Variants in ASIC2 observed in about 807,000 individuals in gnomAD.
ASIC2 encodes acid sensing ion channel subunit 2, also known as acid-sensing ion channel 2.
In ASIC2, 25 loss-of-function variants were observed where a neutral mutation model predicts 57.3. The ratio of observed to expected loss-of-function variants is 0.44; its 90% CI spans 0.32 to 0.61. The LOEUF is 0.61. Ranked by LOEUF, ASIC2 falls within the 20% of genes least tolerant of loss-of-function variation. The pLI, the probability that ASIC2 is intolerant of heterozygous loss-of-function variation, is 0.06. For synonymous variants in ASIC2, 319 were observed against 307.5 expected, an observed-to-expected ratio of 1.04 and a Z score of -0.39; for missense variants, 641 against 738.1, an observed-to-expected ratio of 0.87 and a Z score of 1.52.
chr17:33,035,394 A>G (rs796993235), intron 3 of ASIC2, among the ~76,000 whole-genome samples: 1 of 152,124 alleles, frequency 6.6e-6, no homozygotes, highest in African/African-American at 2.4e-5. Flanking sequence ...AGTCATTTTT[A>G]TTAGATACTG....
Position 33,916,107 on chromosome 17 carries a change from T to A in ASIC2, c.555+239871A>T, listed in dbSNP as rs1915578348. Among the ~76,000 whole-genome samples the A allele has an allele frequency of 2.6e-5, 4 of 152,278 alleles. No individual in the cohort carries two copies. In the South Asian group the frequency reaches 8.3e-4, roughly 32 times the overall value. ...GCTACTTCCTTTCCCTTTTCCATAT[T>A]CCAATTCTCCTCCCAGATAACCAGT... On this transcript the variant is annotated intron_variant, in intron 1 of 9. Transcript: ENST00000359872.
intron 1 of ASIC2, among the ~76,000 whole-genome samples, chr17:33,306,054 T>G (rs1001269471): frequency 1.3e-5 from 2 of 152,220 alleles, no homozygotes; most frequent in African/African-American, 4.8e-5. Flanking sequence ...TCATGGCATT[T>G]AAATGTTTCT....
At chr17:33,160,694 T>C (rs115285092) in intron 1 of ASIC2, among the ~76,000 whole-genome samples, 1 of 152,150 alleles carries the variant, frequency 6.6e-6, no homozygotes, top group South Asian at 2.1e-4. Flanking sequence ...CTCTGATAGG[T>C]TCCACCTGCC....
intron 1 of ASIC2, among the ~76,000 whole-genome samples, chr17:33,970,224 G>C (rs1279052308): frequency 6.6e-6 from 1 of 152,146 alleles, no homozygotes; most frequent in Non-Finnish European, 1.5e-5. Flanking sequence ...CTTGTTTCCA[G>C]ACATTATCAA....
intron 1 of ASIC2, among the ~76,000 whole-genome samples, chr17:33,941,576 G>A (rs900695912): frequency 6.6e-6 from 1 of 152,234 alleles, no homozygotes; most frequent in African/African-American, 2.4e-5. Context: ...AGTAGATAGA[G>A]GGAGCTGGGG....
At chr17:33,090,085 C>T (rs931793829) in intron 2 of ASIC2, among the ~76,000 whole-genome samples, 16 of 152,182 alleles carry the variant, frequency 1.1e-4, no homozygotes, top group Non-Finnish European at 2.4e-4. Context: ...TTCTGAGTAG[C>T]CTCTGCCTCG....
intron 1 of ASIC2, among the ~76,000 whole-genome samples, chr17:33,737,502 T>C (rs776545341): frequency 1.3e-5 from 2 of 152,198 alleles, no homozygotes; most frequent in Non-Finnish European, 2.9e-5. Flanking sequence ...TAATCTGGTT[T>C]AAATCTCAAT....
In ASIC2 at chr17:33,464,706, TA is replaced by T. The variant is rs1912803837; in HGVS notation, c.556-352640del. On this transcript the variant is annotated intron_variant, in intron 1 of 9. Transcript: ENST00000359872. Reference sequence around the variant, plus strand: ...CTCTCTCTATATATATATATATATGTATATATATGTATATAACATTATCAAA... The same window carrying T: ...CTCTCTCTATATATATATATATATGTTATATATGTATATAACATTATCAAA... Among the ~76,000 whole-genome samples, 18 of 147,866 alleles carry T rather than the reference TA, an allele frequency of 1.2e-4. No individual in the cohort carries two copies. In the South Asian group the frequency reaches 2.6e-3, roughly 21 times the overall value.
chr17:33,796,838 A>C (rs1461264315), intron 1 of ASIC2, among the ~76,000 whole-genome samples: 4 of 152,174 alleles, frequency 2.6e-5, no homozygotes, highest in South Asian at 2.1e-4. Context: ...GGCTTGGCTC[A>C]CTCATGTACT....
At chr17:33,250,267 C>T (rs972161277) in intron 1 of ASIC2, among the ~76,000 whole-genome samples, 4 of 152,242 alleles carry the variant, frequency 2.6e-5, no homozygotes, top group Non-Finnish European at 5.9e-5. Flanking sequence ...TGACATAACA[C>T]TCACCCAAAG....
intron 1 of ASIC2, among the ~76,000 whole-genome samples, chr17:33,697,134 AC>A (rs1908554130): frequency 6.6e-6 from 1 of 151,998 alleles, no homozygotes; most frequent in South Asian, 2.1e-4. Flanking sequence ...TTTGCCTTCC[AC>A]CATTATTGTA....
intron 1 of ASIC2, among the ~76,000 whole-genome samples, chr17:33,877,473 C>T (rs1023421850): frequency 6.6e-6 from 1 of 152,228 alleles, no homozygotes; most frequent in African/African-American, 2.4e-5. Context: ...GAGATTATAA[C>T]CCATTCCTGG....
intron 1 of ASIC2, among the ~76,000 whole-genome samples, chr17:33,967,151 A>G (rs1905097894): frequency 6.6e-6 from 1 of 151,644 alleles, no homozygotes; most frequent in Non-Finnish European, 1.5e-5. Context: ...TTTTCCCACA[A>G]TACTCATATT....
intron 1 of ASIC2, among the ~76,000 whole-genome samples, chr17:33,423,910 A>G (rs17836803): frequency 0.05 from 7,600 of 152,284 alleles, 226 homozygotes; most frequent in East Asian, 0.12. Flanking sequence ...TCAGAAATGT[A>G]CCAGTTGCTG....
At chr17:33,244,140 T>C (rs895024402) in intron 1 of ASIC2, among the ~76,000 whole-genome samples, 5 of 152,254 alleles carry the variant, frequency 3.3e-5, no homozygotes, top group African/African-American at 7.2e-5. Flanking sequence ...ACCTTTCCTA[T>C]GGAGACAGCC....
At chr17:33,602,185 A>T (rs1360516272) in intron 1 of ASIC2, among the ~76,000 whole-genome samples, 1 of 152,210 alleles carries the variant, frequency 6.6e-6, no homozygotes, top group Admixed American at 6.5e-5. Context: ...ATTGGGATAG[A>T]ATGAAGGTAT....
chr17:34,010,364 G>A (rs2142020692), intron 1 of ASIC2, among the ~76,000 whole-genome samples: 1 of 152,216 alleles, frequency 6.6e-6, no homozygotes, highest in Non-Finnish European at 1.5e-5. Flanking sequence ...GCCTCTAGTG[G>A]CCTCCCCTTC....
At position 33,781,192 on chromosome 17, in the gene ASIC2, C is replaced by T. The variant is rs73986703; in HGVS notation, c.555+374786G>A. Among the ~76,000 whole-genome samples, 132 of 152,314 alleles carry T rather than the reference C, an allele frequency of 8.7e-4. 2 individuals are homozygous for T. The highest frequency in any genetic ancestry group is 2.8e-3 in the African/African-American group (118 of 41,582). ...CGCGTTTAATGTTTGCTAACAGCCACGCAGCTTAATCTTCACTGCCTGCTG... is the reference window on the plus strand; with the variant it reads ...CGCGTTTAATGTTTGCTAACAGCCATGCAGCTTAATCTTCACTGCCTGCTG... On this transcript the variant is annotated intron_variant, in intron 1 of 9. Coordinates refer to the ASIC2 transcript ENST00000359872.
chr17:33,079,192 A>T (rs559215746), intron 3 of ASIC2, among the ~76,000 whole-genome samples: 1 of 152,344 alleles, frequency 6.6e-6, no homozygotes, highest in Non-Finnish European at 1.5e-5. Context: ...TAGAAGTATG[A>T]TAGAATCATA....
Sources: allele counts gnomAD v4.1 joint callset (sites outside exome capture counted in the v4.1 genomes callset), GRCh38; gene constraint gnomAD v4.1.1; transcripts MANE v1.5; gene names NCBI Gene and HGNC (gene_info 2026-07-23, HGNC 2026-07-21).